ZNF540: variants seen among roughly 807,000 people sequenced by gnomAD.
ZNF540 encodes the protein CTD-3064H18.6.
A neutral mutation model predicts 11.8 loss-of-function variants in ZNF540; 3 were observed. The ratio of observed to expected loss-of-function variants is 0.25; its 90% CI spans 0.12 to 0.65. The LOEUF is 0.65. Ranked by LOEUF, ZNF540 falls within the 30% of genes least tolerant of loss-of-function variation. The probability of loss-of-function intolerance (pLI) is 0.83; values close to 1 mark genes in which losing one functional copy is unlikely to be tolerated. For missense variants in ZNF540, 709 were observed against 793.1 expected, an observed-to-expected ratio of 0.89 and a Z score of 1.27; for synonymous variants, 247 against 259.0, an observed-to-expected ratio of 0.95 and a Z score of 0.45.
chr19:37,575,439 C>T (rs1168118560), intron 1 of ZNF540: 3 of 152,192 alleles, frequency 2.0e-5, no homozygotes, highest in Non-Finnish European at 4.4e-5. Flanking sequence ...TTACATAGGA[C>T]ATGAAATTAT....
chr19:37,586,981 A>T (rs2147205068), intron 1 of ZNF540: 1 of 360,022 alleles, frequency 2.8e-6, no homozygotes, highest in African/African-American at 2.1e-5. Context: ...CTTCCACAGT[A>T]GAACAGAGGC....
chr19:37,577,583 T>G (rs202230599), intron 1 of ZNF540, among the ~76,000 whole-genome samples: 1 of 152,176 alleles, frequency 6.6e-6, no homozygotes, highest in East Asian at 1.9e-4. Context: ...AAGAGAACTT[T>G]AGCTAAAAAC....
At chr19:37,571,542 T>C (rs1452305354) in intron 1 of ZNF540, among the ~76,000 whole-genome samples, 5 of 151,928 alleles carry the variant, frequency 3.3e-5, no homozygotes, top group African/African-American at 1.2e-4. Context: ...TATGAACAAA[T>C]CCATAGCCAA....
At chr19:37,589,358 T>C (rs2043797588) in intron 1 of ZNF540, among the ~76,000 whole-genome samples, 1 of 151,068 alleles carries the variant, frequency 6.6e-6, no homozygotes, top group Non-Finnish European at 1.5e-5. Context: ...AATGACAAAA[T>C]GGGAGAAAAT....
At chr19:37,565,073 C>T (rs2042801222) in intron 1 of ZNF540, 1 of 1,613,286 alleles carries the variant, frequency 6.2e-7, no homozygotes, top group South Asian at 1.1e-5. Flanking sequence ...GGCCTTTCCA[C>T]ATTCCTTACA....
intron 1 of ZNF540, chr19:37,575,420 C>A (rs1392722108): frequency 6.6e-6 from 1 of 152,156 alleles, no homozygotes; most frequent in East Asian, 1.9e-4. Flanking sequence ...TACATTAAAT[C>A]CTTATATTTT....
intron 1 of ZNF540, chr19:37,575,856 G>A (rs1323783160): frequency 3.3e-5 from 5 of 152,148 alleles, no homozygotes; most frequent in African/African-American, 1.2e-4. Context: ...AAACCATAAA[G>A]TGTTAATTAC....
chr19:37,608,698 G>A (rs1166956691), intron 4 of ZNF540, among the ~76,000 whole-genome samples: 2 of 152,098 alleles, frequency 1.3e-5, no homozygotes, highest in African/African-American at 2.4e-5. Flanking sequence ...TCAGTCTTTC[G>A]GTGCACCTGT....
At position 37,613,305 on chromosome 19, in the gene ZNF540, T is replaced by A. The variant is rs745449119; in HGVS notation, c.*42T>A. The A allele has an allele frequency of 4.4e-6, 6 of 1,349,468 alleles. No homozygotes were observed. The highest frequency in any genetic ancestry group is 9.8e-7 in the Non-Finnish European group (1 of 1,024,766). 83.6% of individuals were successfully genotyped at this position (1,349,468 alleles called of 1,614,324 possible). A position where few individuals can be genotyped will look rare whatever the true frequency, so the allele number is the denominator to read the frequency against. The stretch of plus-strand genomic sequence containing the variant: ...CATGTCATGCTCTATTTATAGAATA[T>A]CAAAATATTTATGGCCAGAAGTTCT... On this transcript the variant is annotated 3_prime_UTR_variant, in exon 5 of 5. Coordinates refer to ENST00000316433, the MANE Select transcript of ZNF540 (RefSeq NM_001172225.3).
chr19:37,586,348 C>A, intron 1 of ZNF540: 1 of 293,062 alleles, frequency 3.4e-6, no homozygotes. Context: ...AAACACTCAT[C>A]TCTACCTCAC....
chr19:37,561,628 C>A (rs572029643), intron 1 of ZNF540, among the ~76,000 whole-genome samples: 1 of 152,276 alleles, frequency 6.6e-6, no homozygotes, highest in East Asian at 1.9e-4. Context: ...TGGTTATGCA[C>A]TGTATCATAT....
chr19:37,565,527 G>A, intron 1 of ZNF540: 1 of 1,613,712 alleles, frequency 6.2e-7, no homozygotes, highest in Non-Finnish European at 8.5e-7. Context: ...TCACCACTAT[G>A]AATTCTCTGA....
chr19:37,594,129 G>A (rs535842813), upstream of ZNF540: 3 of 152,232 alleles, frequency 2.0e-5, no homozygotes, highest in Non-Finnish European at 4.4e-5. Context: ...TGTCAAGCTA[G>A]AATAGGACAT....
rs1247795038 is a variant in ZNF540 at position 37,614,156 on chromosome 19, A to G, written c.*893A>G. The G allele has an allele frequency of 3.3e-6, 1 of 299,766 alleles. No homozygotes were observed. The highest frequency in any genetic ancestry group is 5.4e-5 in the East Asian group (1 of 18,682). The allele number at this position is 299,766 out of a possible 1,614,324, so 18.6% of individuals were successfully genotyped here. On this transcript the variant is annotated 3_prime_UTR_variant, in exon 5 of 5. Coordinates refer to ENST00000316433, the MANE Select transcript of ZNF540 (RefSeq NM_001172225.3). Reference sequence around the variant, plus strand: ...GATAACTAAGGCACTCCATTAGAATATAAATAAAATGTAAAGATCTAAATT... The same window carrying G: ...GATAACTAAGGCACTCCATTAGAATGTAAATAAAATGTAAAGATCTAAATT...
intron 1 of ZNF540, among the ~76,000 whole-genome samples, chr19:37,578,167 G>A (rs2043311705): frequency 6.6e-6 from 1 of 152,088 alleles, no homozygotes; most frequent in African/African-American, 2.4e-5. Context: ...CACTCCCCAC[G>A]GCCAGAAATA....
At chr19:37,594,276 T>G (rs1045210006), upstream of ZNF540, 3 of 152,256 alleles carry the variant, frequency 2.0e-5, no homozygotes, top group Non-Finnish European at 2.9e-5. Context: ...CTTAATGATG[T>G]CCGTGTCACA....
chr19:37,551,838 G>C (rs914678351), intron 1 of ZNF540, among the ~76,000 whole-genome samples: 13 of 152,042 alleles, frequency 8.6e-5, no homozygotes, highest in African/African-American at 3.1e-4. Context: ...GTGTGTGGGG[G>C]GGGTGGTGTC....
rs141468381 is a variant in ZNF540, at chr19:37,556,434, C to T, written c.-73+4769C>T. On this transcript the variant is annotated intron_variant, in intron 1 of 4. Coordinates refer to the ZNF540 transcript ENST00000592533. ...TTGGGCTCTGTTGGCCTTTTTGATG[C>T]GGGAGTGATGAATCTAAGCAGGAAT... Among the ~76,000 whole-genome samples, 1,036 of 152,226 alleles carry T rather than the reference C, an allele frequency of 6.8e-3. 32 individuals carry two copies. The highest frequency in any genetic ancestry group is 0.051 in the East Asian group (265 of 5,170).
Position 37,612,054 on chromosome 19 carries a change from T to C in ZNF540, c.774T>C (p.Leu258=), listed in dbSNP as rs115588579. 1,472 of 1,612,436 alleles carry C rather than the reference T, an allele frequency of 9.1e-4. 18 individuals are homozygous for C. The African/African-American group carries it at 0.018, about 19-fold the overall frequency. ...AGACCTTTACTCTTTACCCACAACTTAATCGACATCAGAAAATTCACACTG... is the reference window on the plus strand; with the variant it reads ...AGACCTTTACTCTTTACCCACAACTCAATCGACATCAGAAAATTCACACTG... The part of the protein sequence containing the change: ...CGKTFTLYPQ[L]NRHQKIHTGK... Residue 258 remains leucine, a synonymous_variant, in exon 5 of 5, where the codon CTT becomes CTC. Transcript: ENST00000316433.
Sources: gnomAD v4.1 joint callset for allele counts (sites outside exome capture counted in the v4.1 genomes callset) on GRCh38, gnomAD v4.1.1 for gene constraint, MANE v1.5 for transcripts, NCBI Gene and HGNC (gene_info 2026-07-23, HGNC 2026-07-21) for gene names.